The following CAMKMT variants were observed in gnomAD, a reference collection of about 807,000 sequenced individuals.
The protein encoded by CAMKMT is calmodulin-lysine N-methyltransferase.
A neutral mutation model predicts 48.0 loss-of-function variants in CAMKMT; 53 were observed. The ratio of observed to expected loss-of-function variants is 1.10; its 90% CI spans 0.89 to 1.39. CAMKMT has a LOEUF of 1.39. CAMKMT is among the 40% of genes most tolerant of loss of function. The probability of loss-of-function intolerance (pLI) is 0.00; values close to 1 mark genes in which losing one functional copy is unlikely to be tolerated. For synonymous variants in CAMKMT, 165 were observed against 152.3 expected (o/e 1.08, Z -0.61); for missense variants, 428 against 402.7 (o/e 1.06, Z -0.54).
In CAMKMT at chr2:44,772,326, G is replaced by C; in HGVS notation, c.*213G>C. 1 of 488,558 alleles carries C rather than the reference G, an allele frequency of 2.0e-6. No individual in the cohort carries two copies. Among genetic ancestry groups the C allele is most frequent in the Non-Finnish European group, 3.6e-6 (1 of 275,252 alleles). 30.3% of individuals were successfully genotyped at this position (488,558 alleles called of 1,614,324 possible). A position where few individuals can be genotyped will look rare whatever the true frequency, so the allele number is the denominator to read the frequency against. ...TCTTTTTACACTCTGCTTGTTGCTCGTCCTGCCCTAAACCTTTGTTTGTCT... is the reference window on the plus strand; with the variant it reads ...TCTTTTTACACTCTGCTTGTTGCTCCTCCTGCCCTAAACCTTTGTTTGTCT... On this transcript the variant is annotated 3_prime_UTR_variant, in exon 11 of 11. Transcript: ENST00000378494.
At chr2:44,392,011 A>G (rs1050367770) in intron 3 of CAMKMT, 17 of 152,686 alleles carry the variant, frequency 1.1e-4, no homozygotes, top group African/African-American at 4.1e-4. Context: ...GCTGTGTTAT[A>G]AAGAAAGTAC....
intron 3 of CAMKMT, among the ~76,000 whole-genome samples, chr2:44,500,944 A>G (rs1363357618): frequency 6.6e-6 from 1 of 151,996 alleles, no homozygotes; most frequent in Non-Finnish European, 1.5e-5. Flanking sequence ...GGCCTCCCAA[A>G]TTGCTGTGAT....
chr2:44,361,997 G>A lies in CAMKMT; in HGVS notation c.-11G>A. ...GCGGTGGCACCTCCGGGTGTGGAAG[G>A]CTCCAGTGAGATGGAGTCGCGAGTC... is the stretch of plus-strand genomic sequence containing the variant. On this transcript the variant is annotated 5_prime_UTR_variant, in exon 1 of 11. Transcript: ENST00000378494. 6 of 1,395,944 alleles carry A rather than the reference G, an allele frequency of 4.3e-6. No individual in the cohort carries two copies. Among genetic ancestry groups the A allele is most frequent in the South Asian group, 1.6e-5 (1 of 62,096 alleles). The allele number at this position is 1,395,944 out of a possible 1,614,324, so 86.5% of individuals were successfully genotyped here.
intron 3 of CAMKMT, among the ~76,000 whole-genome samples, chr2:44,407,411 C>T (rs1269996928): frequency 6.6e-6 from 1 of 152,138 alleles, no homozygotes; most frequent in Non-Finnish European, 1.5e-5. Flanking sequence ...TTGTGCTTCT[C>T]CCCAGACGGC....
chr2:44,667,314 T>C (rs1460313810), intron 3 of CAMKMT, among the ~76,000 whole-genome samples: 2 of 152,192 alleles, frequency 1.3e-5, no homozygotes, highest in Non-Finnish European at 2.9e-5. Context: ...CACCAGCAGA[T>C]GATATCCCCA....
At chr2:44,634,883 C>T (rs147055495) in intron 3 of CAMKMT, among the ~76,000 whole-genome samples, 2 of 149,782 alleles carry the variant, frequency 1.3e-5, no homozygotes, top group East Asian at 2.0e-4. Flanking sequence ...GTTTATAAAG[C>T]TAGTTTCATT....
chr2:44,496,012 A>G (rs1669736104), intron 3 of CAMKMT, among the ~76,000 whole-genome samples: 1 of 152,202 alleles, frequency 6.6e-6, no homozygotes, highest in African/African-American at 2.4e-5. Flanking sequence ...CAGAGTATTT[A>G]GTTTTTTTCC....
intron 10 of CAMKMT, among the ~76,000 whole-genome samples, chr2:44,771,061 C>G (rs1453436042): frequency 6.6e-6 from 1 of 152,176 alleles, no homozygotes; most frequent in Non-Finnish European, 1.5e-5. Context: ...TTAGAAGGAA[C>G]ATGCACTTCG....
At chr2:44,395,119 T>C (rs1403828283) in intron 3 of CAMKMT, 7 of 363,802 alleles carry the variant, frequency 1.9e-5, no homozygotes, top group African/African-American at 4.3e-5. Flanking sequence ...TGGTCTAAAT[T>C]TTTAGTTTTT....
At chr2:44,382,780 A>G (rs1029102608) in intron 2 of CAMKMT, among the ~76,000 whole-genome samples, 5 of 151,996 alleles carry the variant, frequency 3.3e-5, no homozygotes, top group Non-Finnish European at 5.9e-5. Context: ...CGCCCGGCCA[A>G]CTTTTTTCAT....
intron 1 of CAMKMT, among the ~76,000 whole-genome samples, chr2:44,369,415 G>A (rs1010621886): frequency 1.3e-5 from 2 of 152,004 alleles, no homozygotes; most frequent in African/African-American, 4.8e-5. Flanking sequence ...TTTGGAATAA[G>A]TGTTCCTTTT....
intron 3 of CAMKMT, among the ~76,000 whole-genome samples, chr2:44,668,665 A>G (rs1347305014): frequency 1.3e-5 from 2 of 152,188 alleles, no homozygotes; most frequent in African/African-American, 4.8e-5. Flanking sequence ...AATTCGTAGA[A>G]TATTACCAAT....
chr2:44,439,084 T>C (rs1001049683), intron 3 of CAMKMT, among the ~76,000 whole-genome samples: 2 of 152,220 alleles, frequency 1.3e-5, no homozygotes, highest in African/African-American at 2.4e-5. Context: ...GAAACAGCTA[T>C]AGTGAAAAGT....
chr2:44,660,546 A>C (rs547931432), intron 3 of CAMKMT, among the ~76,000 whole-genome samples: 1 of 152,248 alleles, frequency 6.6e-6, no homozygotes. Context: ...AAGTCTACAG[A>C]AACATTAAGG....
intron 3 of CAMKMT, among the ~76,000 whole-genome samples, chr2:44,603,843 C>T (rs1026427647): frequency 3.3e-5 from 5 of 152,088 alleles, no homozygotes; most frequent in African/African-American, 1.2e-4. Flanking sequence ...TATTGAGTAT[C>T]TCTTGGCTAG....
chr2:44,558,955 CTG>C (rs4039615), intron 3 of CAMKMT, among the ~76,000 whole-genome samples: 83,714 of 151,108 alleles, frequency 0.55, 24,755 homozygotes, highest in Admixed American at 0.66. Context: ...AAATGTGTCT[CTG>C]TGTGTGTGTG....
intron 3 of CAMKMT, among the ~76,000 whole-genome samples, chr2:44,687,344 A>G (rs2104205235): frequency 6.6e-6 from 1 of 152,270 alleles, no homozygotes; most frequent in Non-Finnish European, 1.5e-5. Flanking sequence ...TTTTCCCTTA[A>G]TGAGTGAACT....
chr2:44,501,038 C>CT (rs142463794), intron 3 of CAMKMT, among the ~76,000 whole-genome samples: 8,146 of 148,570 alleles, frequency 0.055, 565 homozygotes, highest in East Asian at 0.35. Context: ...AATTTCTTAG[C>CT]TTTTTTTTTA....
At chr2:44,698,896 T>C (rs1357323167) in intron 3 of CAMKMT, among the ~76,000 whole-genome samples, 1 of 152,208 alleles carries the variant, frequency 6.6e-6, no homozygotes, top group Non-Finnish European at 1.5e-5. Context: ...ATATTCTAAA[T>C]CCTTTGTTGT....
Sources: gnomAD v4.1 joint callset for allele counts (sites outside exome capture counted in the v4.1 genomes callset) on GRCh38, gnomAD v4.1.1 for gene constraint, MANE v1.5 for transcripts, NCBI Gene and HGNC (gene_info 2026-07-23, HGNC 2026-07-21) for gene names.